RAPH1: variants seen among roughly 807,000 people sequenced by gnomAD.
RAPH1 encodes Ras association (RalGDS/AF-6) and pleckstrin homology domains 1, also known as ras-associated and pleckstrin homology domains-containing protein 1.
In RAPH1, 18 loss-of-function variants were observed where a neutral mutation model predicts 88.1. That is an observed-to-expected ratio of 0.20 (90% confidence interval 0.14 to 0.30). RAPH1 has a LOEUF of 0.30. Among genes scored for constraint, RAPH1 ranks in the 10% least tolerant of loss-of-function variants. RAPH1 has a pLI of 1.00. For synonymous variants in RAPH1, 587 were observed against 559.0 expected (o/e 1.05, Z -0.71); for missense variants, 1,448 against 1,543.2 (o/e 0.94, Z 1.03).
rs1010051631 is a variant in RAPH1, at chr2:203,434,584, T to TAGG, written c.*4850_*4852dup. On this transcript the variant is annotated 3_prime_UTR_variant, in exon 14 of 14. Coordinates refer to ENST00000319170, the MANE Select transcript of RAPH1 (RefSeq NM_213589.3). ...CAAGTAGCAAAAAAAAAAAAAAAAG[T>TAGG]AGGAGGTGGGGAAATAATATGAAAA... The TAGG allele has an allele frequency of 7.0e-6, 1 of 142,724 alleles. No individual in the cohort carries two copies. Among genetic ancestry groups the TAGG allele is most frequent in the African/African-American group, 2.7e-5 (1 of 36,734 alleles). The allele number at this position is 142,724 out of a possible 1,614,324, so 8.8% of individuals were successfully genotyped here. A position where few individuals can be genotyped will look rare whatever the true frequency, so the allele number is the denominator to read the frequency against.
chr2:203,506,736 A>C (rs1395465828), intron 1 of RAPH1, among the ~76,000 whole-genome samples: 1 of 124,852 alleles, frequency 8.0e-6, no homozygotes, highest in Non-Finnish European at 1.5e-5. Flanking sequence ...ATATATAGAT[A>C]TATATCTATA....
chr2:203,491,602 C>G (rs955279610), intron 2 of RAPH1, among the ~76,000 whole-genome samples: 1 of 152,104 alleles, frequency 6.6e-6, no homozygotes, highest in Non-Finnish European at 1.5e-5. Flanking sequence ...CTCACTGCAA[C>G]CTCCGCCTCC....
At chr2:203,494,809 C>CA (rs1219525479) in intron 2 of RAPH1, among the ~76,000 whole-genome samples, 289 of 48,818 alleles carry the variant, frequency 5.9e-3, no homozygotes, top group South Asian at 0.02. Flanking sequence ...GACTCCGTCT[C>CA]AAAAAAAAAA....
chr2:203,527,567 G>A (rs575159482), intron 1 of RAPH1, among the ~76,000 whole-genome samples: 23 of 152,110 alleles, frequency 1.5e-4, no homozygotes, highest in African/African-American at 5.5e-4. Context: ...GGGAGGCTGA[G>A]GTGGGCGGAT....
chr2:203,455,343 A>G, intron 9 of RAPH1, 94 bp downstream of exon 9: 1 of 1,196,680 alleles, frequency 8.4e-7, no homozygotes, highest in Non-Finnish European at 1.2e-6. Flanking sequence ...ACTGAAACAA[A>G]TCATAGCCTG....
intron 10 of RAPH1, among the ~76,000 whole-genome samples, chr2:203,452,074 C>T (rs887084656): frequency 1.1e-4 from 17 of 152,064 alleles, no homozygotes; most frequent in Admixed American, 7.9e-4. Flanking sequence ...AGCTGATATG[C>T]GGGAAGTAGA....
At chr2:203,533,057 A>G (rs1274406754) in intron 1 of RAPH1, among the ~76,000 whole-genome samples, 3 of 152,318 alleles carry the variant, frequency 2.0e-5, no homozygotes, top group East Asian at 1.9e-4. Flanking sequence ...CAGCAAAACC[A>G]AAAGACATAA....
intron 4 of RAPH1, among the ~76,000 whole-genome samples, chr2:203,464,479 G>A (rs1433041620): frequency 2.6e-5 from 4 of 152,132 alleles, no homozygotes; most frequent in African/African-American, 7.2e-5. Context: ...CCATGTTGGC[G>A]AGACTGGTTT....
chr2:203,493,995 AAAAG>A (rs1688395514), intron 2 of RAPH1, among the ~76,000 whole-genome samples: 1 of 150,096 alleles, frequency 6.7e-6, no homozygotes, highest in African/African-American at 2.4e-5. Context: ...AAAAAAAAAA[AAAAG>A]AAAAAAGAAA....
chr2:203,461,810 TAAAA>T, intron 5 of RAPH1, 34 bp downstream of exon 5: 2 of 1,514,990 alleles, frequency 1.3e-6, no homozygotes, highest in South Asian at 1.3e-5. Context: ...AAAAAACTGA[TAAAA>T]AAATCCCAAA....
At chr2:203,495,690 C>T (rs1688481077) in intron 1 of RAPH1, among the ~76,000 whole-genome samples, 1 of 151,982 alleles carries the variant, frequency 6.6e-6, no homozygotes, top group African/African-American at 2.4e-5. Flanking sequence ...CTACTAGATC[C>T]TAGGACACCC....
chr2:203,487,409 A>G (rs1456939867), intron 4 of RAPH1, among the ~76,000 whole-genome samples: 1 of 150,720 alleles, frequency 6.6e-6, no homozygotes, highest in Non-Finnish European at 1.5e-5. Context: ...TTGTAGACGG[A>G]GTCTTGCTGT....
intron 1 of RAPH1, among the ~76,000 whole-genome samples, chr2:203,519,824 A>G (rs1689783299): frequency 6.6e-6 from 1 of 152,216 alleles, no homozygotes; most frequent in African/African-American, 2.4e-5. Flanking sequence ...CACAGATGTC[A>G]CAACATGGGA....
In RAPH1 at chr2:203,439,321, G is replaced by T; in HGVS notation, c.*116C>A. 1 of 917,736 alleles carries T rather than the reference G, an allele frequency of 1.1e-6. No homozygotes were observed. Among genetic ancestry groups the T allele is most frequent in the Non-Finnish European group, 1.7e-6 (1 of 590,156 alleles). The allele number at this position is 917,736 out of a possible 1,614,324, so 56.8% of individuals were successfully genotyped here. ...ACACACACACATACACATATAGCTG[G>T]ACACTACCTGAATAACATCATACCA... On this transcript the variant is annotated 3_prime_UTR_variant, in exon 14 of 14. Coordinates refer to ENST00000319170, the MANE Select transcript of RAPH1 (RefSeq NM_213589.3).
intron 1 of RAPH1, among the ~76,000 whole-genome samples, chr2:203,506,664 GAA>G (rs1689016618): frequency 6.7e-6 from 1 of 148,886 alleles, no homozygotes; most frequent in African/African-American, 2.5e-5. Context: ...TCTAATCTGT[GAA>G]AAGTTAAATA....
intron 4 of RAPH1, among the ~76,000 whole-genome samples, chr2:203,482,008 G>GAAA (rs144615684): frequency 6.9e-6 from 1 of 145,316 alleles, no homozygotes. Context: ...TACTTCTGCA[G>GAAA]AAAAAAAAAA....
At chr2:203,441,590 A>AT in intron 13 of RAPH1, 177 bp from the exon 14 acceptor site, 1 of 1,356,524 alleles carries the variant, frequency 7.4e-7, no homozygotes, top group Non-Finnish European at 9.4e-7. Flanking sequence ...CTAAAATCTG[A>AT]TTGTGCGGGC....
intron 2 of RAPH1, among the ~76,000 whole-genome samples, chr2:203,491,725 T>C (rs918122041): frequency 3.3e-5 from 5 of 152,118 alleles, no homozygotes; most frequent in Admixed American, 2.6e-4. Flanking sequence ...CCAGGCTGGT[T>C]GCAAACTTCT....
rs1689020080 is a variant in RAPH1 at position 203,506,730 on chromosome 2, ATAGATATATATC to A, written c.1-11389_1-11378del. 1.5e-4 allele frequency among the ~76,000 whole-genome samples: 19 copies of A among 128,836 alleles called. 1 individual carries two copies. Among genetic ancestry groups the A allele is most frequent in the African/African-American group, 7.0e-4 (19 of 27,218 alleles). The allele number at this position is 128,836 out of a possible 152,430, so 84.5% of individuals were successfully genotyped here. Reference sequence around the variant, plus strand: ...ATAATCCACTGACTAAAATCCATATATAGATATATATCTATATATATATATATCTATATATAT... The same window carrying A: ...ATAATCCACTGACTAAAATCCATATATATATATATATATATCTATATATAT... On this transcript the variant is annotated intron_variant, in intron 1 of 13. Transcript: ENST00000319170.
Sources: allele counts gnomAD v4.1 joint callset (sites outside exome capture counted in the v4.1 genomes callset), GRCh38; gene constraint gnomAD v4.1.1; transcripts MANE v1.5; gene names NCBI Gene and HGNC (gene_info 2026-07-23, HGNC 2026-07-21).